DCC: variants seen among roughly 807,000 people sequenced by gnomAD.
DCC encodes the protein DCC netrin 1 receptor.
In DCC, 58 loss-of-function variants were observed where a neutral mutation model predicts 172.5. The ratio of observed to expected loss-of-function variants is 0.34; its 90% CI spans 0.27 to 0.42. DCC has a LOEUF of 0.42. Among genes scored for constraint, DCC ranks in the 10% least tolerant of loss-of-function variants. The pLI is 1.00. For missense variants in DCC, 1,740 were observed against 1,791.0 expected (o/e 0.97, Z 0.51); for synonymous variants, 709 against 644.5 (o/e 1.10, Z -1.52).
chr18:52,668,055 C>CA (rs1315831967), intron 1 of DCC, among the ~76,000 whole-genome samples: 3 of 136,922 alleles, frequency 2.2e-5, no homozygotes, highest in Admixed American at 7.7e-5. Flanking sequence ...AAAAAAACAA[C>CA]AACAAAAAAA....
intron 25 of DCC, among the ~76,000 whole-genome samples, chr18:53,474,060 G>T (rs536789061): frequency 6.6e-6 from 1 of 152,026 alleles, no homozygotes; most frequent in Non-Finnish European, 1.5e-5. Flanking sequence ...ACACATACAT[G>T]GTTTTAAACC....
intron 2 of DCC, among the ~76,000 whole-genome samples, chr18:52,893,449 C>G (rs1424647199): frequency 2.0e-5 from 3 of 152,050 alleles, no homozygotes; most frequent in Non-Finnish European, 4.4e-5. Flanking sequence ...ATCATTTAAT[C>G]CTTTGGGTAA....
rs1303493678 is a variant in DCC at position 53,339,798 on chromosome 18, C to G, written c.2250C>G (p.Asn750Lys). ...TCATGAGTTGGACTCCTCCCTTGAA[C>G]CCAAACATCGTGGTGCGAGGTTATA... is the stretch of plus-strand genomic sequence containing the variant. ...CIIMSWTPPL[N>K]PNIVVRGYII... Residue 750 changes from asparagine (N) to lysine (K), a missense_variant, in exon 15 of 29, where the codon AAC becomes AAG. Physicochemically the swap from Asn to Lys is moderately conservative, Grantham distance 94. Transcript: ENST00000442544. The G allele has an allele frequency of 3.1e-6, 5 of 1,613,960 alleles. No individual in the cohort carries two copies. In the East Asian group the frequency reaches 1.1e-4, roughly 36 times the overall value.
At chr18:53,405,647 G>A (rs1442233920) in intron 19 of DCC, among the ~76,000 whole-genome samples, 1 of 152,130 alleles carries the variant, frequency 6.6e-6, no homozygotes, top group Non-Finnish European at 1.5e-5. Context: ...GATAATCACA[G>A]TGCCTAAATT....
At chr18:53,052,127 G>T (rs1340058581) in intron 5 of DCC, among the ~76,000 whole-genome samples, 1 of 151,826 alleles carries the variant, frequency 6.6e-6, no homozygotes, top group Non-Finnish European at 1.5e-5. Flanking sequence ...TATGAGACTT[G>T]TACTTTCTAA....
intron 2 of DCC, among the ~76,000 whole-genome samples, chr18:52,788,822 G>A (rs2037709008): frequency 1.3e-5 from 2 of 152,244 alleles, no homozygotes; most frequent in Non-Finnish European, 2.9e-5. Context: ...AAATATTGGT[G>A]CCGTTTTATA....
intron 7 of DCC, among the ~76,000 whole-genome samples, chr18:53,114,263 C>T (rs1209411609): frequency 1.3e-5 from 2 of 151,218 alleles, no homozygotes; most frequent in Admixed American, 6.6e-5. Context: ...CCCCCCACCC[C>T]AAGTAATGTC....
intron 1 of DCC, among the ~76,000 whole-genome samples, chr18:52,697,038 C>T (rs988403466): frequency 1.3e-5 from 2 of 152,190 alleles, no homozygotes; most frequent in Non-Finnish European, 2.9e-5. Flanking sequence ...TGTACTTTTA[C>T]AAGCTGAGGG....
At chr18:52,532,195 T>TA (rs2032169944) in intron 1 of DCC, among the ~76,000 whole-genome samples, 1 of 152,162 alleles carries the variant, frequency 6.6e-6, no homozygotes, top group African/African-American at 2.4e-5. Context: ...TCTTCTATTA[T>TA]AGGAATAAAA....
intron 7 of DCC, among the ~76,000 whole-genome samples, chr18:53,134,930 C>T (rs1003927329): frequency 2.0e-5 from 3 of 152,062 alleles, no homozygotes; most frequent in African/African-American, 7.2e-5. Context: ...TCATTCATAC[C>T]AATATTGTAA....
chr18:53,011,222 A>T (rs2041726465), intron 5 of DCC, among the ~76,000 whole-genome samples: 1 of 151,722 alleles, frequency 6.6e-6, no homozygotes, highest in South Asian at 2.1e-4. Flanking sequence ...GATTAAAAGC[A>T]GCTAATATAC....
intron 2 of DCC, among the ~76,000 whole-genome samples, chr18:52,791,245 G>A (rs1038457168): frequency 9.2e-5 from 14 of 152,110 alleles, no homozygotes; most frequent in Non-Finnish European, 1.3e-4. Flanking sequence ...CTAGCAAAAA[G>A]GCAATGCCCT....
intron 2 of DCC, among the ~76,000 whole-genome samples, chr18:52,848,493 T>G (rs1386183597): frequency 6.6e-6 from 1 of 152,222 alleles, no homozygotes; most frequent in Non-Finnish European, 1.5e-5. Flanking sequence ...TTTAAAATAA[T>G]GCATTTTGGA....
intron 1 of DCC, among the ~76,000 whole-genome samples, chr18:52,412,597 T>C (rs1198161700): frequency 6.6e-6 from 1 of 152,146 alleles, no homozygotes; most frequent in Non-Finnish European, 1.5e-5. Flanking sequence ...CTGTGATCAG[T>C]ATTAAGTAAA....
intron 12 of DCC, among the ~76,000 whole-genome samples, chr18:53,296,588 C>A (rs540769770): frequency 6.6e-6 from 1 of 152,046 alleles, no homozygotes; most frequent in African/African-American, 2.4e-5. Flanking sequence ...TTAGCTATGG[C>A]AATATTCTGG....
At chr18:52,858,141 C>A (rs2039082390) in intron 2 of DCC, among the ~76,000 whole-genome samples, 1 of 152,216 alleles carries the variant, frequency 6.6e-6, no homozygotes, top group South Asian at 2.1e-4. Context: ...TTGACATTTA[C>A]TGCATACAGC....
At chr18:53,127,234 T>C (rs1352877196) in intron 7 of DCC, among the ~76,000 whole-genome samples, 4 of 151,730 alleles carry the variant, frequency 2.6e-5, no homozygotes, top group Non-Finnish European at 5.9e-5. Context: ...CTTGAACTCT[T>C]GGCCTCACGT....
In DCC at chr18:53,128,866, C is replaced by CATAT. The variant is rs1304598836; in HGVS notation, c.1262-28489_1262-28488insTATA. ...ACACACACACACACACACACACACA[C>CATAT]ACACATATATATATATATATATATA... is the stretch of plus-strand genomic sequence containing the variant. On this transcript the variant is annotated intron_variant, in intron 7 of 28. Transcript: ENST00000442544. Among the ~76,000 whole-genome samples the CATAT allele has an allele frequency of 1.4e-4, 12 of 86,906 alleles. No individual in the cohort carries two copies. The East Asian group carries it at 4.4e-3, about 32-fold the overall frequency. 57.0% of individuals were successfully genotyped at this position (86,906 alleles called of 152,430 possible).
intron 14 of DCC, among the ~76,000 whole-genome samples, chr18:53,336,871 G>GTC (rs1029581784): frequency 1.3e-5 from 2 of 152,002 alleles, no homozygotes; most frequent in Non-Finnish European, 2.9e-5. Context: ...ACAAGATCTT[G>GTC]TCTCTCTCTC....
Sources: gnomAD v4.1 joint callset for allele counts (sites outside exome capture counted in the v4.1 genomes callset) on GRCh38, gnomAD v4.1.1 for gene constraint, MANE v1.5 for transcripts, NCBI Gene and HGNC (gene_info 2026-07-23, HGNC 2026-07-21) for gene names.